MSR1: variants seen among roughly 807,000 people sequenced by gnomAD.
MSR1 encodes the protein macrophage scavenger receptor 1.
A neutral mutation model predicts 47.2 loss-of-function variants in MSR1; 53 were observed. That is an observed-to-expected ratio of 1.12 (90% CI 0.90 to 1.41). The LOEUF (loss-of-function observed/expected upper bound fraction) is 1.41, where lower values mean the gene tolerates loss of function less well. Among genes scored for constraint, MSR1 ranks in the 40% most tolerant of loss-of-function variants. The probability of loss-of-function intolerance (pLI) is 0.00; values close to 1 mark genes in which losing one functional copy is unlikely to be tolerated. For synonymous variants in MSR1, 239 were observed against 185.6 expected (o/e 1.29, Z -2.34); for missense variants, 786 against 546.9 (o/e 1.44, Z -4.36).
intron 9 of MSR1, among the ~76,000 whole-genome samples, chr8:16,116,106 A>C (rs1173624714): frequency 1.3e-5 from 2 of 152,224 alleles, no homozygotes; most frequent in African/African-American, 4.8e-5. Context: ...AATAGCAAAT[A>C]AATGTGTGAT....
At chr8:16,187,521 T>G (rs946770752) in intron 1 of MSR1, among the ~76,000 whole-genome samples, 4 of 152,032 alleles carry the variant, frequency 2.6e-5, no homozygotes, top group African/African-American at 4.8e-5. Context: ...ATATATTCCT[T>G]ATTTGTCTTG....
In MSR1 at chr8:16,165,772, C is replaced by T. The variant is rs1054180975; in HGVS notation, c.631-1521G>A. ...GGACCTTCGAAAATAAATGAATGTG[C>T]GTCTAGATTTGCCTCTTCAATGACA... On this transcript the variant is annotated intron_variant, in intron 4 of 9. Coordinates refer to ENST00000262101, the MANE Select transcript of MSR1 (RefSeq NM_138715.3). Among the ~76,000 whole-genome samples, 5 of 152,150 alleles carry T rather than the reference C, an allele frequency of 3.3e-5. No individual in the cohort carries two copies. The East Asian group carries it at 5.8e-4, about 18-fold the overall frequency.
intron 1 of MSR1, among the ~76,000 whole-genome samples, chr8:16,179,904 G>GTATT (rs943804021): frequency 5.5e-5 from 5 of 90,210 alleles, no homozygotes; most frequent in East Asian, 5.7e-4. Context: ...AAAAAAAAAA[G>GTATT]TATTTATTTA....
At chr8:16,166,284 A>T (rs1037924440) in intron 4 of MSR1, among the ~76,000 whole-genome samples, 30 of 144,776 alleles carry the variant, frequency 2.1e-4, no homozygotes, top group Admixed American at 9.3e-4. Context: ...GGTTCTCCCG[A>T]GTAGCTGGGA....
chr8:16,141,150 A>G, intron 8 of MSR1: 6 of 1,289,070 alleles, frequency 4.7e-6, no homozygotes, highest in Non-Finnish European at 6.6e-6. Context: ...AAATTTTCAC[A>G]TACCACCATT....
Position 16,187,426 on chromosome 8 carries a change from C to T in MSR1, c.-5+5172G>A, listed in dbSNP as rs182190568. Among the ~76,000 whole-genome samples, 346 of 143,124 alleles carry T rather than the reference C, an allele frequency of 2.4e-3. 1 individual carries two copies. Among genetic ancestry groups the T allele is most frequent in the Middle Eastern group, 7.9e-3 (2 of 252 alleles). 93.9% of individuals were successfully genotyped at this position (143,124 alleles called of 152,430 possible). A position where few individuals can be genotyped will look rare whatever the true frequency, so the allele number is the denominator to read the frequency against. On this transcript the variant is annotated intron_variant, in intron 1 of 9. Coordinates refer to ENST00000262101, the MANE Select transcript of MSR1 (RefSeq NM_138715.3). ...AAAAGCAAGCAAGCAAGCAAGCTGA[C>T]TGTTCCTGAACATCCATTTTCAACC...
In MSR1 at chr8:16,168,641, A is replaced by T; in HGVS notation, c.447T>A (p.Asp149Glu). 3.7e-6 allele frequency: 6 copies of T among 1,614,114 alleles called. No individual in the cohort carries two copies. The highest frequency in any genetic ancestry group is 5.1e-6 in the Non-Finnish European group (6 of 1,179,998). Residue 149 changes from aspartate (D) to glutamate (E), a missense_variant, in exon 4 of 10, where the codon GAT (aspartate) becomes GAA (glutamate). Asp to Glu is a conservative substitution (Grantham distance 45). Transcript: ENST00000262101. ...GCAGAAGAATGTCATTAAATCTTTGATCAGTTGTCATGCTGAAATTTTGGA... is the reference window on the plus strand; with the variant it reads ...GCAGAAGAATGTCATTAAATCTTTGTTCAGTTGTCATGCTGAAATTTTGGA... The part of the protein sequence containing the change: ...EHFQNFSMTT[D>E]QRFNDILLQL...
At chr8:16,179,873 G>C (rs532380135) in intron 1 of MSR1, among the ~76,000 whole-genome samples, 1 of 72,362 alleles carries the variant, frequency 1.4e-5, no homozygotes, top group African/African-American at 6.0e-5. Context: ...GTGAAACCCT[G>C]TGTCTCAAAA....
intron 8 of MSR1, among the ~76,000 whole-genome samples, chr8:16,133,619 G>A (rs1300022762): frequency 2.0e-5 from 3 of 152,138 alleles, no homozygotes; most frequent in East Asian, 1.9e-4. Flanking sequence ...CTCAAAAACT[G>A]TTGTGAGAAC....
chr8:16,109,139 G>T lies in MSR1; in HGVS notation c.*946C>A, dbSNP rs969609492. The T allele has an allele frequency of 2.0e-5, 3 of 150,558 alleles. No homozygotes were observed. The highest frequency in any genetic ancestry group is 2.0e-4 in the Admixed American group (3 of 15,112). 9.3% of individuals were successfully genotyped at this position (150,558 alleles called of 1,614,324 possible). A position where few individuals can be genotyped will look rare whatever the true frequency, so the allele number is the denominator to read the frequency against. ...ACTACTTTTTTGGGGCATGCTCAGAGTTATTGTCCCTTTAGGACTAAAGAC... is the reference window on the plus strand; with the variant it reads ...ACTACTTTTTTGGGGCATGCTCAGATTTATTGTCCCTTTAGGACTAAAGAC... On this transcript the variant is annotated 3_prime_UTR_variant, in exon 10 of 10. Coordinates refer to ENST00000262101, the MANE Select transcript of MSR1 (RefSeq NM_138715.3).
chr8:16,150,861 C>T (rs1350199312), intron 6 of MSR1, among the ~76,000 whole-genome samples: 1 of 150,824 alleles, frequency 6.6e-6, no homozygotes, highest in African/African-American at 2.4e-5. Flanking sequence ...AACACACACA[C>T]ACACACACAC....
At chr8:16,192,548 T>G (rs1032180055) in intron 1 of MSR1, 50 bp downstream of exon 1, 1 of 151,944 alleles carries the variant, frequency 6.6e-6, no homozygotes, top group South Asian at 2.1e-4. Flanking sequence ...TAACAATCAA[T>G]AGAAACAATT....
At chr8:16,189,590 A>T (rs1467053767) in intron 1 of MSR1, among the ~76,000 whole-genome samples, 5 of 96,224 alleles carry the variant, frequency 5.2e-5, no homozygotes, top group Non-Finnish European at 8.6e-5. Context: ...TTTTATATAT[A>T]TTTTATATAT....
intron 8 of MSR1, among the ~76,000 whole-genome samples, chr8:16,142,008 G>A (rs1424718570): frequency 1.3e-5 from 2 of 152,046 alleles, no homozygotes; most frequent in Non-Finnish European, 2.9e-5. Context: ...GTGAAAAGGA[G>A]AAAGAAAGAA....
chr8:16,169,708 A>G (rs1801426115), intron 3 of MSR1, among the ~76,000 whole-genome samples: 1 of 151,936 alleles, frequency 6.6e-6, no homozygotes, highest in African/African-American at 2.4e-5. Flanking sequence ...ATGCTCTATC[A>G]TAAGTACTTT....
intron 5 of MSR1, among the ~76,000 whole-genome samples, chr8:16,162,601 G>A (rs913038382): frequency 2.6e-5 from 4 of 151,966 alleles, no homozygotes; most frequent in Non-Finnish European, 2.9e-5. Flanking sequence ...AGGAAAATAC[G>A]TTGCAAGGAG....
chr8:16,120,750 T>G (rs904448951), intron 8 of MSR1, 144 bp from the exon 9 acceptor site: 2 of 1,049,724 alleles, frequency 1.9e-6, no homozygotes, highest in African/African-American at 3.2e-5. Context: ...GAATAAATAT[T>G]AAACTTTCTA....
At chr8:16,146,155 C>G (rs533434200) in intron 7 of MSR1, among the ~76,000 whole-genome samples, 1 of 151,974 alleles carries the variant, frequency 6.6e-6, no homozygotes, top group African/African-American at 2.4e-5. Flanking sequence ...AGCTGTAGGC[C>G]GCCTTTCCAT....
chr8:16,119,084 G>T (rs948854566), intron 9 of MSR1, among the ~76,000 whole-genome samples: 1 of 152,108 alleles, frequency 6.6e-6, no homozygotes, highest in African/African-American at 2.4e-5. Flanking sequence ...ACTACGGCCA[G>T]GGGCTGAAAC....
Sources: allele counts gnomAD v4.1 joint callset (sites outside exome capture counted in the v4.1 genomes callset), GRCh38; gene constraint gnomAD v4.1.1; transcripts MANE v1.5; gene names NCBI Gene and HGNC (gene_info 2026-07-23, HGNC 2026-07-21).